ARSK: variants seen among roughly 807,000 people sequenced by gnomAD.
The protein encoded by ARSK is arylsulfatase family member K, also known as arylsulfatase K.
ARSK carries 37 observed loss-of-function variants against 53.2 expected under a neutral mutation model. The observed-to-expected ratio is 0.70, with a 90% CI of 0.54 to 0.92. The LOEUF (loss-of-function observed/expected upper bound fraction) is 0.92. ARSK is among the 40% of genes least tolerant of loss of function. The probability of loss-of-function intolerance (pLI) is 0.00; values close to 1 mark genes in which losing one functional copy is unlikely to be tolerated. For missense variants in ARSK, 613 were observed against 643.0 expected, an observed-to-expected ratio of 0.95 and a Z score of 0.51; for synonymous variants, 208 against 223.2, an observed-to-expected ratio of 0.93 and a Z score of 0.61.
chr5:95,559,700 G>A (rs960794364), intron 1 of ARSK, among the ~76,000 whole-genome samples: 7 of 151,956 alleles, frequency 4.6e-5, no homozygotes, highest in African/African-American at 1.7e-4. Flanking sequence ...GAAATAGAAG[G>A]GAACTAAAAG....
chr5:95,559,741 T>C (rs1414793378), intron 1 of ARSK, among the ~76,000 whole-genome samples: 1 of 151,824 alleles, frequency 6.6e-6, no homozygotes, highest in Non-Finnish European at 1.5e-5. Context: ...AACTTTACAC[T>C]GAATGGTTAA....
In ARSK at chr5:95,586,703, G is replaced by T; in HGVS notation, c.841G>T (p.Ala281Ser). 6.2e-7 allele frequency: 1 copy of T among 1,610,186 alleles called. No individual in the cohort carries two copies. The highest frequency in any genetic ancestry group is 8.5e-7 in the Non-Finnish European group (1 of 1,178,416). The change falls in exon 5 of 8, where the codon GCT becomes TCT. Residue 281 changes from alanine to serine, a missense_variant. Coordinates refer to ENST00000380009, the MANE Select transcript of ARSK (RefSeq NM_198150.3). ...EIKNIRAFYY[A>S]MCAETDAMLG... ...TAAGAATATTAGAGCATTTTATTAT[G>T]CTATGTGTGCTGAGACAGATGCCAT...
intron 7 of ARSK, among the ~76,000 whole-genome samples, 162 bp from the exon 8 acceptor site, chr5:95,603,075 C>T (rs1580234612): frequency 2.0e-5 from 3 of 152,018 alleles, no homozygotes; most frequent in African/African-American, 4.8e-5. Context: ...GTGTTTAACT[C>T]CTGGTATGTT....
chr5:95,555,301 T>G lies in ARSK; in HGVS notation c.23T>G (p.Val8Gly). The change falls in exon 1 of 8, where the codon GTG (valine) becomes GGG (glycine). Residue 8 changes from valine (V) to glycine (G), a missense_variant. Coordinates refer to ENST00000380009, the MANE Select transcript of ARSK (RefSeq NM_198150.3). The surrounding 1 kb of genome is among the most constrained non-coding windows in gnomAD (Gnocchi z 4.0). ...GCGATGCTACTGCTGTGGGTGTCGG[T>G]GGTCGCAGCCTTGGCGCTGGCGGTA... MLLLWVS[V>G]VAALALAVLA... The G allele has an allele frequency of 6.2e-7, 1 of 1,602,404 alleles. No individual in the cohort carries two copies. Among genetic ancestry groups the G allele is most frequent in the Non-Finnish European group, 8.5e-7 (1 of 1,179,064 alleles).
chr5:95,572,433 A>C (rs1459929766), intron 3 of ARSK, among the ~76,000 whole-genome samples: 2 of 152,198 alleles, frequency 1.3e-5, no homozygotes, highest in Non-Finnish European at 2.9e-5. Flanking sequence ...CATTATATGT[A>C]TTGTGTTATA....
At chr5:95,580,997 C>T in intron 3 of ARSK, 1 of 1,043,454 alleles carries the variant, frequency 9.6e-7, no homozygotes. Flanking sequence ...CTTAACAGTG[C>T]TTGAAATCAT....
intron 2 of ARSK, among the ~76,000 whole-genome samples, chr5:95,566,549 A>T (rs1157334969): frequency 9.2e-5 from 14 of 152,174 alleles, no homozygotes; most frequent in African/African-American, 3.4e-4. Flanking sequence ...GATTTACCTG[A>T]ATTTTTTCTT....
chr5:95,567,990 T>C lies in ARSK; in HGVS notation c.357T>C (p.His119=), dbSNP rs1748757076. 6.2e-7 allele frequency: 1 copy of C among 1,613,932 alleles called. No homozygotes were observed. The highest frequency in any genetic ancestry group is 8.5e-7 in the Non-Finnish European group (1 of 1,179,892). Residue 119 remains histidine, a synonymous_variant, in exon 3 of 8, where the codon CAT becomes CAC. Transcript: ENST00000380009. ...YTTWMDVMER[H]GYRTQKFGKL... is the part of the protein sequence containing the mutation. ...CATGGATGGATGTCATGGAGAGGCA[T>C]GGCTACCGAACACAGAAATTTGGGA...
intron 3 of ARSK, among the ~76,000 whole-genome samples, chr5:95,576,983 A>G (rs1748935614): frequency 6.6e-6 from 1 of 152,248 alleles, no homozygotes; most frequent in Admixed American, 6.5e-5. Flanking sequence ...GTTAAGTGCT[A>G]GTGCTTACGT....
At chr5:95,569,637 A>C (rs1748791090) in intron 3 of ARSK, among the ~76,000 whole-genome samples, 2 of 152,188 alleles carry the variant, frequency 1.3e-5, no homozygotes, top group Admixed American at 6.5e-5. Flanking sequence ...CTTCAGAGGG[A>C]ATGTGTCTCT....
chr5:95,559,187 G>A (rs895129084), intron 1 of ARSK, among the ~76,000 whole-genome samples: 2 of 151,998 alleles, frequency 1.3e-5, no homozygotes, highest in Non-Finnish European at 2.9e-5. Context: ...CCAAAGCCAC[G>A]AATACATCAC....
At chr5:95,570,117 T>C (rs1036688494) in intron 3 of ARSK, among the ~76,000 whole-genome samples, 86 of 152,200 alleles carry the variant, frequency 5.7e-4, no homozygotes, top group Non-Finnish European at 1.1e-3. Flanking sequence ...CTTTCTTAGA[T>C]GTATGTCTGA....
In ARSK at chr5:95,600,883, G is replaced by C; in HGVS notation, c.1133G>C (p.Gly378Ala). Residue 378 changes from glycine to alanine, a missense_variant, in exon 7 of 8, where the codon GGA (glycine) becomes GCA (alanine). By Grantham distance (60) the Gly-to-Ala change is moderately conservative. Coordinates refer to ENST00000380009, the MANE Select transcript of ARSK (RefSeq NM_198150.3). ...AGIPLPQNLS[G>A]YSLLPLSSET... is the part of the protein sequence containing the mutation. ...ATTCCTCTGCCTCAGAACCTGAGTG[G>C]ATACTCTTTGTTGCCGTTATCATCA... is the stretch of plus-strand genomic sequence containing the variant. 1 of 1,614,010 alleles carries C rather than the reference G, an allele frequency of 6.2e-7. No homozygotes were observed. The highest frequency in any genetic ancestry group is 8.5e-7 in the Non-Finnish European group (1 of 1,179,926).
intron 3 of ARSK, among the ~76,000 whole-genome samples, chr5:95,579,490 C>T (rs150525321): frequency 2.9e-4 from 44 of 152,290 alleles, no homozygotes; most frequent in African/African-American, 1.1e-3. Context: ...ACCACCAGAA[C>T]AGTATGGGGG....
chr5:95,565,160 C>T (rs1748705284), intron 1 of ARSK, among the ~76,000 whole-genome samples: 2 of 152,284 alleles, frequency 1.3e-5, no homozygotes, highest in South Asian at 4.1e-4. Flanking sequence ...TGCTCTTTAC[C>T]AACGTGAGTT....
intron 1 of ARSK, among the ~76,000 whole-genome samples, chr5:95,561,910 C>G (rs1480313062): frequency 6.6e-6 from 1 of 152,066 alleles, no homozygotes; most frequent in Non-Finnish European, 1.5e-5. Context: ...TTAATAAACC[C>G]ATTTTTAAAA....
At chr5:95,568,496 G>A (rs931120168) in intron 3 of ARSK, among the ~76,000 whole-genome samples, 69 of 152,090 alleles carry the variant, frequency 4.5e-4, no homozygotes, top group African/African-American at 1.6e-3. Flanking sequence ...GTTAAGAGTA[G>A]AGGTCAAGAA....
At chr5:95,558,834 C>T (rs1412022139) in intron 1 of ARSK, among the ~76,000 whole-genome samples, 2 of 152,112 alleles carry the variant, frequency 1.3e-5, no homozygotes, top group South Asian at 2.1e-4. Context: ...TAGGAGAGAA[C>T]ACTTCCAAAC....
At chr5:95,594,454 T>G (rs922490504) in intron 6 of ARSK, among the ~76,000 whole-genome samples, 1 of 152,148 alleles carries the variant, frequency 6.6e-6, no homozygotes, top group Non-Finnish European at 1.5e-5. Context: ...AGAATCAAAG[T>G]CAGTGGTCAT....
Sources: gnomAD v4.1 joint callset for allele counts (sites outside exome capture counted in the v4.1 genomes callset) on GRCh38, gnomAD v4.1.1 for gene constraint, Gnocchi (gnomAD v3.1) non-coding constraint, MANE v1.5 for transcripts, NCBI Gene and HGNC (gene_info 2026-07-23, HGNC 2026-07-21) for gene names.